BMPER: variants seen among roughly 807,000 people sequenced by gnomAD.
BMPER encodes BMP-binding endothelial regulator protein.
BMPER carries 45 observed loss-of-function variants against 87.3 expected under a neutral mutation model. That is an observed-to-expected ratio of 0.52 (90% CI 0.41 to 0.66). BMPER has a LOEUF of 0.66. Among genes scored for constraint, BMPER ranks in the 30% least tolerant of loss-of-function variants. The pLI, the probability that BMPER is intolerant of heterozygous loss-of-function variation, is 0.00. For synonymous variants in BMPER, 326 were observed against 316.2 expected, an observed-to-expected ratio of 1.03 and a Z score of -0.33; for missense variants, 784 against 867.5, an observed-to-expected ratio of 0.90 and a Z score of 1.21.
intron 2 of BMPER, among the ~76,000 whole-genome samples, chr7:33,935,303 C>T (rs563360325): frequency 6.6e-6 from 1 of 152,148 alleles, no homozygotes; most frequent in East Asian, 1.9e-4. Context: ...CAGCTCAGCC[C>T]CAGTGGCCAC....
intron 6 of BMPER, among the ~76,000 whole-genome samples, chr7:34,020,421 G>A (rs1787148298): frequency 6.6e-6 from 1 of 151,968 alleles, no homozygotes; most frequent in Non-Finnish European, 1.5e-5. Context: ...CAAGGGTGTA[G>A]ATGACAATCA....
intron 11 of BMPER, among the ~76,000 whole-genome samples, chr7:34,067,634 CA>C (rs2127968192): frequency 6.6e-6 from 1 of 152,168 alleles, no homozygotes; most frequent in South Asian, 2.1e-4. Flanking sequence ...TTAGCCCTGC[CA>C]AGGAGGTGTT....
chr7:34,087,037 T>C (rs543029994), intron 13 of BMPER, among the ~76,000 whole-genome samples: 1 of 152,314 alleles, frequency 6.6e-6, no homozygotes, highest in African/African-American at 2.4e-5. Flanking sequence ...CACCAGTTTA[T>C]TTCCCCTAGT....
rs61198821 is a variant in BMPER at position 34,060,000 on chromosome 7, C to G, written c.1032+1837C>G. 7.5e-3 allele frequency among the ~76,000 whole-genome samples: 1,134 copies of G among 152,180 alleles called. 17 individuals are homozygous for G. Among genetic ancestry groups the G allele is most frequent in the African/African-American group, 0.026 (1,071 of 41,514 alleles). On this transcript the variant is annotated intron_variant, in intron 10 of 14. Transcript: ENST00000649409. Reference sequence around the variant, plus strand: ...TCAGGACACTGTCATCTCTCCATCTCTAATACGTACTGAGATTTTATAGTG... The same window carrying G: ...TCAGGACACTGTCATCTCTCCATCTGTAATACGTACTGAGATTTTATAGTG...
chr7:33,956,538 G>C lies in BMPER; in HGVS notation c.320-9941G>C, dbSNP rs1437725930. Among the ~76,000 whole-genome samples the C allele has an allele frequency of 2.6e-5, 4 of 152,004 alleles. No homozygotes were observed. In the East Asian group the frequency reaches 7.7e-4, roughly 29 times the overall value. On this transcript the variant is annotated intron_variant, in intron 3 of 14. Coordinates refer to ENST00000649409, the MANE Select transcript of BMPER (RefSeq NM_001365308.1). ...CTTTTTCAATAAAAGTTATACCCAA[G>C]TGTCCCTGCCTCTCCTGTCTCCCCT...
intron 6 of BMPER, among the ~76,000 whole-genome samples, chr7:34,020,517 G>A (rs1423897539): frequency 1.3e-5 from 2 of 151,926 alleles, no homozygotes; most frequent in Admixed American, 1.3e-4. Context: ...AGGTTCCTGA[G>A]CCCCACTCCA....
intron 13 of BMPER, among the ~76,000 whole-genome samples, chr7:34,111,458 T>G (rs1789960378): frequency 6.6e-6 from 1 of 152,232 alleles, no homozygotes; most frequent in African/African-American, 2.4e-5. Context: ...GGCTTGAATG[T>G]TACAGTCATT....
chr7:34,099,324 A>G (rs1010314674), intron 13 of BMPER, among the ~76,000 whole-genome samples: 1 of 152,228 alleles, frequency 6.6e-6, no homozygotes, highest in African/African-American at 2.4e-5. Flanking sequence ...CTGGCAAGCC[A>G]TCCTCACCCC....
chr7:34,072,145 A>G (rs1007035795), intron 11 of BMPER, among the ~76,000 whole-genome samples: 4 of 152,198 alleles, frequency 2.6e-5, no homozygotes, highest in Admixed American at 6.5e-5. Flanking sequence ...GTGCACAGAC[A>G]TAGTGAGGAT....
intron 6 of BMPER, among the ~76,000 whole-genome samples, chr7:34,004,418 T>C (rs1452244686): frequency 6.6e-6 from 1 of 152,176 alleles, no homozygotes; most frequent in African/African-American, 2.4e-5. Flanking sequence ...TTGCTTACTT[T>C]ATGTGTCGTC....
chr7:33,914,639 A>C (rs571488231), intron 2 of BMPER, among the ~76,000 whole-genome samples: 7 of 152,354 alleles, frequency 4.6e-5, no homozygotes, highest in African/African-American at 1.4e-4. Context: ...ACCTGTCTGC[A>C]TAGAAATAAA....
intron 6 of BMPER, among the ~76,000 whole-genome samples, chr7:33,978,196 T>C (rs954234668): frequency 3.3e-5 from 5 of 152,174 alleles, no homozygotes; most frequent in African/African-American, 9.7e-5. Flanking sequence ...ACTCCCGCCA[T>C]GTAAGGACAC....
In BMPER at chr7:33,992,588, C is replaced by A. The variant is rs1182905192; in HGVS notation, c.576+17804C>A. ...CTTTATCCAATTTGCCAGTCTGTGT[C>A]TTTTAATTGGAGCATTTAGTCCATT... On this transcript the variant is annotated intron_variant, in intron 6 of 14. Transcript: ENST00000649409. Among the ~76,000 whole-genome samples, 5 of 149,020 alleles carry A rather than the reference C, an allele frequency of 3.4e-5. No individual in the cohort carries two copies. In the East Asian group the frequency reaches 9.9e-4, roughly 30 times the overall value.
At chr7:34,083,534 A>C (rs777281773) in intron 12 of BMPER, among the ~76,000 whole-genome samples, 1 of 151,896 alleles carries the variant, frequency 6.6e-6, no homozygotes, top group South Asian at 2.1e-4. Context: ...GGGTCTTTCC[A>C]TTTATTTCTT....
At chr7:33,993,659 T>C (rs921580974) in intron 6 of BMPER, among the ~76,000 whole-genome samples, 1 of 152,138 alleles carries the variant, frequency 6.6e-6, no homozygotes, top group Admixed American at 6.5e-5. Context: ...CCGTTGCTGG[T>C]GAGGAGCTGC....
chr7:34,092,054 A>G (rs955974731), intron 13 of BMPER, among the ~76,000 whole-genome samples: 2 of 151,908 alleles, frequency 1.3e-5, no homozygotes, highest in Non-Finnish European at 2.9e-5. Flanking sequence ...ATCCTCTCTG[A>G]TCTCCTTGTG....
At chr7:34,102,470 C>T (rs1038762037) in intron 13 of BMPER, among the ~76,000 whole-genome samples, 17 of 152,228 alleles carry the variant, frequency 1.1e-4, no homozygotes, top group Admixed American at 3.9e-4. Context: ...TCTGATTCAG[C>T]GGGATGGAGG....
intron 12 of BMPER, among the ~76,000 whole-genome samples, chr7:34,079,549 G>T (rs1279994000): frequency 2.0e-5 from 3 of 152,162 alleles, no homozygotes; most frequent in African/African-American, 4.8e-5. Context: ...TCGATGCCCA[G>T]CTTGGAATTG....
Position 33,994,345 on chromosome 7 carries a change from G to A in BMPER, c.576+19561G>A, listed in dbSNP as rs538050629. ...TGATGCGCTGTTTTTTAAGCCCGTC[G>A]GAAAAGCGCGGTATTCGGGTGGGAG... is the stretch of plus-strand genomic sequence containing the variant. On this transcript the variant is annotated intron_variant, in intron 6 of 14. Transcript: ENST00000649409. Among the ~76,000 whole-genome samples the A allele has an allele frequency of 1.4e-4, 21 of 152,288 alleles. No individual in the cohort carries two copies. In the South Asian group the frequency reaches 1.9e-3, roughly 14 times the overall value.
Sources: gnomAD v4.1 joint callset for allele counts (sites outside exome capture counted in the v4.1 genomes callset) on GRCh38, gnomAD v4.1.1 for gene constraint, MANE v1.5 for transcripts, NCBI Gene and HGNC (gene_info 2026-07-23, HGNC 2026-07-21) for gene names.